Variants in USP10 observed in about 807,000 individuals in gnomAD.
USP10 encodes the protein ubiquitin specific peptidase 10.
Under a neutral mutation model 84.5 loss-of-function variants are expected in USP10, and 22 were observed. The observed-to-expected ratio is 0.26, with a 90% confidence interval of 0.19 to 0.37. USP10 has a LOEUF of 0.37. Ranked by LOEUF, USP10 falls within the 10% of genes least tolerant of loss-of-function variation. USP10 has a pLI of 1.00. For synonymous variants in USP10, 454 were observed against 387.6 expected, an observed-to-expected ratio of 1.17 and a Z score of -2.01; for missense variants, 1,019 against 998.9, an observed-to-expected ratio of 1.02 and a Z score of -0.27.
chr16:84,745,415 T>G lies in USP10; in HGVS notation c.934T>G (p.Leu312Val). Residue 312 changes from leucine (L) to valine (V), a missense_variant, in exon 4 of 14, where the codon TTG becomes GTG. Around this residue, in one of 2 missense-constraint regions of USP10, gnomAD observed 787 missense variants for 708.8 expected, o/e 1.11. Transcript: ENST00000219473. Reference protein sequence around the residue: ...VELHTTESIDLDPTKPESASP... With the variant: ...VELHTTESIDVDPTKPESASP... ...GTTGCACACCACGGAAAGCATAGACTTGGACCCAACCAAACCCGAGAGTGC... is the reference window on the plus strand; with the variant it reads ...GTTGCACACCACGGAAAGCATAGACGTGGACCCAACCAAACCCGAGAGTGC... The G allele has an allele frequency of 6.2e-7, 1 of 1,613,722 alleles. No individual in the cohort carries two copies. Among genetic ancestry groups the G allele is most frequent in the Non-Finnish European group, 8.5e-7 (1 of 1,179,716 alleles).
In USP10 at chr16:84,779,038, C is replaced by A; in HGVS notation, c.2353C>A (p.Arg785Ser). 1.2e-6 allele frequency: 2 copies of A among 1,614,006 alleles called. No homozygotes were observed. The highest frequency in any genetic ancestry group is 1.7e-6 in the Non-Finnish European group (2 of 1,179,886). ...QYQVVKPTAE[R>S]TAYLLYYRRV... is the part of the protein sequence containing the mutation. The stretch of plus-strand genomic sequence containing the variant: ...CCAGGTGGTGAAACCAACTGCTGAA[C>A]GCACAGCCTACCTCCTGTATTACCG... Residue 785 changes from arginine (R) to serine (S), a missense_variant, in exon 14 of 14, where the codon CGC (arginine) becomes AGC (serine). Transcript: ENST00000219473.
At chr16:84,753,312 T>A (rs1311019794) in intron 4 of USP10, among the ~76,000 whole-genome samples, 1 of 152,162 alleles carries the variant, frequency 6.6e-6, no homozygotes, top group Non-Finnish European at 1.5e-5. Flanking sequence ...CTTGTCAAGA[T>A]TTTAAGGAAG....
chr16:84,768,513 G>GAA (rs777225018), intron 11 of USP10, among the ~76,000 whole-genome samples, 155 bp downstream of exon 11: 1 of 152,204 alleles, frequency 6.6e-6, no homozygotes, highest in Non-Finnish European at 1.5e-5. Context: ...GTTTTACAAT[G>GAA]AAATGGTTGA....
chr16:84,754,436 T>G (rs1194176389), intron 4 of USP10, among the ~76,000 whole-genome samples: 1 of 152,142 alleles, frequency 6.6e-6, no homozygotes, highest in Non-Finnish European at 1.5e-5. Flanking sequence ...GTCAAAGGCT[T>G]GAAGGAAAGC....
At chr16:84,713,040 GA>G (rs1906517113) in intron 1 of USP10, among the ~76,000 whole-genome samples, 1 of 152,220 alleles carries the variant, frequency 6.6e-6, no homozygotes, top group Non-Finnish European at 1.5e-5. Flanking sequence ...CCAAATGCAA[GA>G]ACCATGGAGC....
chr16:84,701,978 C>T (rs370212053), intron 1 of USP10, among the ~76,000 whole-genome samples: 6 of 128,288 alleles, frequency 4.7e-5, no homozygotes, highest in African/African-American at 1.8e-4. Flanking sequence ...GCTCTTGTTG[C>T]CCAGGCTGGA....
At chr16:84,732,128 C>G (rs1390990394) in intron 1 of USP10, among the ~76,000 whole-genome samples, 1 of 152,100 alleles carries the variant, frequency 6.6e-6, no homozygotes, top group Non-Finnish European at 1.5e-5. Flanking sequence ...AAACGTTTTC[C>G]CTGTGCATTC....
intron 12 of USP10, among the ~76,000 whole-genome samples, chr16:84,773,655 C>T (rs244562): frequency 0.76 from 116,001 of 152,142 alleles, 44,298 homozygotes; most frequent in East Asian, 0.82. Context: ...TTCTAGCTGC[C>T]TTATCACTCA....
At chr16:84,702,969 GGCGACAGA>G (rs1270765326) in intron 1 of USP10, among the ~76,000 whole-genome samples, 3 of 124,274 alleles carry the variant, frequency 2.4e-5, no homozygotes, top group African/African-American at 6.1e-5. Flanking sequence ...CTCCAGCCTG[GGCGACAGA>G]GCAAGACTCC....
chr16:84,759,528 T>G (rs1452674475), intron 6 of USP10, 56 bp downstream of exon 6: 1 of 1,478,308 alleles, frequency 6.8e-7, no homozygotes, highest in African/African-American at 1.4e-5. Flanking sequence ...GTCTGATAAT[T>G]AGAATTGAAA....
chr16:84,703,722 G>A (rs1905158771), intron 1 of USP10, among the ~76,000 whole-genome samples: 1 of 152,184 alleles, frequency 6.6e-6, no homozygotes, highest in South Asian at 2.1e-4. Context: ...TGAGCCAGTG[G>A]TCACCTTAGT....
intron 1 of USP10, among the ~76,000 whole-genome samples, chr16:84,715,534 C>G (rs1365326364): frequency 6.6e-6 from 1 of 152,212 alleles, no homozygotes; most frequent in Non-Finnish European, 1.5e-5. Context: ...GTGAGTCCAC[C>G]TGGGTGACCT....
chr16:84,744,961 C>T lies in USP10; in HGVS notation c.480C>T (p.Tyr160=). The change falls in exon 4 of 14, where the codon TAC becomes TAT. Residue 160 remains tyrosine (Y), a synonymous_variant. Transcript: ENST00000219473. ...KKKKKRPPGY[Y]SYLKDGGDDS... ...AGAAAAAGCGGCCACCTGGATATTA[C>T]AGCTATTTGAAAGATGGTGGCGATG... 1.2e-6 allele frequency: 2 copies of T among 1,613,786 alleles called. No individual in the cohort carries two copies. The highest frequency in any genetic ancestry group is 1.7e-6 in the Non-Finnish European group (2 of 1,179,718).
chr16:84,778,667 C>T (rs1344424680), intron 13 of USP10, among the ~76,000 whole-genome samples: 1 of 152,122 alleles, frequency 6.6e-6, no homozygotes, highest in Non-Finnish European at 1.5e-5. Context: ...ACACATGTAC[C>T]TATCTGACTT....
intron 13 of USP10, among the ~76,000 whole-genome samples, chr16:84,778,207 A>AGCTCCAC (rs1567659265): frequency 6.6e-6 from 1 of 151,902 alleles, no homozygotes; most frequent in Non-Finnish European, 1.5e-5. Context: ...GCCCCACCAC[A>AGCTCCAC]GCTCCACGCT....
At chr16:84,749,564 A>AC (rs887976733) in intron 4 of USP10, among the ~76,000 whole-genome samples, 35 of 148,372 alleles carry the variant, frequency 2.4e-4, no homozygotes, top group Non-Finnish European at 4.0e-4. Flanking sequence ...ACATACTGAG[A>AC]CCCCATCTTT....
chr16:84,704,762 T>G, intron 1 of USP10: 1 of 1,534,876 alleles, frequency 6.5e-7, no homozygotes. Context: ...GATCCCATTT[T>G]CATCAGATGA....
At chr16:84,741,428 C>G (rs377010493) in intron 3 of USP10, among the ~76,000 whole-genome samples, 3 of 152,230 alleles carry the variant, frequency 2.0e-5, no homozygotes, top group African/African-American at 7.2e-5. Flanking sequence ...TCCTCTGTCA[C>G]TGTGTGCTTT....
intron 4 of USP10, among the ~76,000 whole-genome samples, chr16:84,753,345 G>T (rs1374791914): frequency 6.6e-6 from 1 of 152,134 alleles, no homozygotes. Flanking sequence ...TTCCTCTTGG[G>T]ATGCTGAAAG....
Sources: gnomAD v4.1 joint callset for allele counts (sites outside exome capture counted in the v4.1 genomes callset) on GRCh38, gnomAD v4.1.1 for gene constraint, gnomAD v4.1.1 regional missense constraint, MANE v1.5 for transcripts, NCBI Gene and HGNC (gene_info 2026-07-23, HGNC 2026-07-21) for gene names.